Variants in IGFBP2 observed in about 807,000 individuals in gnomAD.
The protein encoded by IGFBP2 is insulin-like growth factor-binding protein 2.
In IGFBP2, 12 loss-of-function variants were observed where a neutral mutation model predicts 26.2. The ratio of observed to expected loss-of-function variants is 0.46; its 90% CI spans 0.29 to 0.74. The LOEUF (loss-of-function observed/expected upper bound fraction) is 0.74. Ranked by LOEUF, IGFBP2 falls within the 30% of genes least tolerant of loss-of-function variation. The probability of loss-of-function intolerance (pLI) is 0.09; values close to 1 mark genes in which losing one functional copy is unlikely to be tolerated. For missense variants in IGFBP2, 328 were observed against 441.2 expected (o/e 0.74, Z 2.30); for synonymous variants, 189 against 200.6 (o/e 0.94, Z 0.49).
chr2:216,639,157 C>T (rs991520738), intron 1 of IGFBP2, among the ~76,000 whole-genome samples: 1 of 151,962 alleles, frequency 6.6e-6, no homozygotes, highest in Non-Finnish European at 1.5e-5. Context: ...CTCAGCCTCC[C>T]GAGTAGTTGG....
intron 1 of IGFBP2, among the ~76,000 whole-genome samples, chr2:216,634,499 A>G (rs182404792): frequency 3.0e-3 from 453 of 152,272 alleles, no homozygotes; most frequent in Admixed American, 8.2e-3. Flanking sequence ...AGGACTTGGT[A>G]CTTTGTAGGA....
chr2:216,651,846 C>A (rs1266049463), intron 1 of IGFBP2, among the ~76,000 whole-genome samples: 1 of 152,186 alleles, frequency 6.6e-6, no homozygotes, highest in East Asian at 1.9e-4. Context: ...GAAGTGAACT[C>A]CGCCTGCTGG....
At chr2:216,656,916 A>G (rs1179659301) in intron 1 of IGFBP2, among the ~76,000 whole-genome samples, 1 of 152,146 alleles carries the variant, frequency 6.6e-6, no homozygotes, top group Non-Finnish European at 1.5e-5. Context: ...TGTGAGCAGA[A>G]TGCGGTGTCG....
intron 1 of IGFBP2, among the ~76,000 whole-genome samples, chr2:216,651,793 C>A (rs1697829791): frequency 6.6e-6 from 1 of 152,182 alleles, no homozygotes; most frequent in African/African-American, 2.4e-5. Context: ...CTTGCTTTGT[C>A]GCCCAGGCTG....
intron 2 of IGFBP2, chr2:216,661,540 A>T: frequency 2.3e-6 from 1 of 430,814 alleles, no homozygotes; most frequent in East Asian, 5.2e-5. Context: ...GGGTGGGGGC[A>T]TGGAGACTCG....
At chr2:216,637,434 C>T (rs954326466) in intron 1 of IGFBP2, among the ~76,000 whole-genome samples, 4 of 152,184 alleles carry the variant, frequency 2.6e-5, no homozygotes, top group East Asian at 3.9e-4. Context: ...CTGGGGCTGC[C>T]GTTGCCCATG....
rs560160133 is a variant in IGFBP2 at position 216,642,733 on chromosome 2, A to G, written c.442+8768A>G. Reference sequence around the variant, plus strand: ...GTCTAGAATGGGGGTTGGAGGGACTATGGGGAACAGAGGTGGCCCCAGAGC... The same window carrying G: ...GTCTAGAATGGGGGTTGGAGGGACTGTGGGGAACAGAGGTGGCCCCAGAGC... On this transcript the variant is annotated intron_variant, in intron 1 of 3. Coordinates refer to ENST00000233809, the MANE Select transcript of IGFBP2 (RefSeq NM_000597.3). Among the ~76,000 whole-genome samples the G allele has an allele frequency of 1.1e-3, 161 of 152,234 alleles. 2 individuals are homozygous for G. Among genetic ancestry groups the G allele is most frequent in the African/African-American group, 3.7e-3 (152 of 41,554 alleles).
At chr2:216,662,120 C>T (rs1230791905) in intron 3 of IGFBP2, 122 bp downstream of exon 3, 1 of 1,122,228 alleles carries the variant, frequency 8.9e-7, no homozygotes, top group African/African-American at 1.5e-5. Context: ...GAGACTCAGA[C>T]TCCTGTCACC....
intron 1 of IGFBP2, among the ~76,000 whole-genome samples, chr2:216,641,081 A>C (rs182041715): frequency 3.9e-4 from 60 of 152,294 alleles, no homozygotes; most frequent in Middle Eastern, 3.4e-3. Flanking sequence ...CTCTTCCTCC[A>C]ATGCCAGTTC....
chr2:216,653,229 A>G (rs893237650), intron 1 of IGFBP2, among the ~76,000 whole-genome samples: 3 of 152,196 alleles, frequency 2.0e-5, no homozygotes, highest in Non-Finnish European at 4.4e-5. Flanking sequence ...TAGATCAGGA[A>G]TCACCAATTT....
Position 216,660,634 on chromosome 2 carries a change from G to A in IGFBP2, c.520G>A (p.Gly174Ser). 6.2e-7 allele frequency: 1 copy of A among 1,614,112 alleles called. No individual in the cohort carries two copies. Among genetic ancestry groups the A allele is most frequent in the South Asian group, 1.1e-5 (1 of 91,080 alleles). ...DSTMNMLGGG[G>S]SAGRKPLKSG... is the part of the protein sequence containing the mutation. ...CACCATGAACATGTTGGGCGGGGGA[G>A]GCAGTGCTGGCCGGAAGCCCCTCAA... is the stretch of plus-strand genomic sequence containing the variant. The change falls in exon 2 of 4, where the codon GGC becomes AGC. Residue 174 changes from glycine to serine, a missense_variant. By Grantham distance (56) the Gly-to-Ser change is moderately conservative (BLOSUM62 0). Coordinates refer to ENST00000233809, the MANE Select transcript of IGFBP2 (RefSeq NM_000597.3).
chr2:216,656,085 C>A (rs1445639100), intron 1 of IGFBP2, among the ~76,000 whole-genome samples: 1 of 152,182 alleles, frequency 6.6e-6, no homozygotes, highest in Non-Finnish European at 1.5e-5. Flanking sequence ...CTGCCTGGCG[C>A]CTTCAGGCCC....
chr2:216,648,758 A>G (rs576193753), intron 1 of IGFBP2, among the ~76,000 whole-genome samples: 1 of 152,014 alleles, frequency 6.6e-6, no homozygotes, highest in South Asian at 2.1e-4. Context: ...ACAGGCATGC[A>G]CCACCATGCC....
At chr2:216,656,468 G>T (rs1697925844) in intron 1 of IGFBP2, among the ~76,000 whole-genome samples, 1 of 152,244 alleles carries the variant, frequency 6.6e-6, no homozygotes, top group African/African-American at 2.4e-5. Context: ...TGGGCTAAAA[G>T]CCTGACTCCA....
chr2:216,649,763 G>T (rs1435385588), intron 1 of IGFBP2, among the ~76,000 whole-genome samples: 1 of 152,170 alleles, frequency 6.6e-6, no homozygotes, highest in African/African-American at 2.4e-5. Context: ...TTCCAGGAAT[G>T]ACCCTGATGT....
chr2:216,638,427 C>T (rs1402611018), intron 1 of IGFBP2, among the ~76,000 whole-genome samples: 1 of 151,888 alleles, frequency 6.6e-6, no homozygotes. Flanking sequence ...ATCGCTTGAA[C>T]CTGGGAACTG....
At chr2:216,642,104 A>G (rs1180209663) in intron 1 of IGFBP2, among the ~76,000 whole-genome samples, 2 of 142,634 alleles carry the variant, frequency 1.4e-5, no homozygotes, top group Admixed American at 1.4e-4. Flanking sequence ...GGTTCATGCC[A>G]TTCTCCTGCC....
intron 1 of IGFBP2, among the ~76,000 whole-genome samples, chr2:216,652,600 G>A (rs966173330): frequency 6.6e-6 from 1 of 152,204 alleles, no homozygotes; most frequent in African/African-American, 2.4e-5. Context: ...TGACTGCTGG[G>A]TTCATTGCTC....
intron 1 of IGFBP2, among the ~76,000 whole-genome samples, chr2:216,653,017 T>TG (rs1044297347): frequency 6.6e-4 from 100 of 152,282 alleles, no homozygotes; most frequent in African/African-American, 2.3e-3. Flanking sequence ...GGTAAGTCTT[T>TG]CTTCAGAATA....
Sources: gnomAD v4.1 joint callset for allele counts (sites outside exome capture counted in the v4.1 genomes callset) on GRCh38, gnomAD v4.1.1 for gene constraint, MANE v1.5 for transcripts, NCBI Gene and HGNC (gene_info 2026-07-23, HGNC 2026-07-21) for gene names.